The following PGM3 variants were observed in gnomAD, a reference collection of about 807,000 sequenced individuals.
PGM3 encodes phosphoacetylglucosamine mutase.
Under a neutral mutation model 66.2 loss-of-function variants are expected in PGM3, and 40 were observed. That is an observed-to-expected ratio of 0.60 (90% confidence interval 0.47 to 0.79). The LOEUF (loss-of-function observed/expected upper bound fraction) is 0.79, where lower values mean the gene tolerates loss of function less well. Ranked by LOEUF, PGM3 falls within the 30% of genes least tolerant of loss-of-function variation. PGM3 has a pLI of 0.00. For missense variants in PGM3, 537 were observed against 643.4 expected, an observed-to-expected ratio of 0.83 and a Z score of 1.79; for synonymous variants, 191 against 224.2, an observed-to-expected ratio of 0.85 and a Z score of 1.32.
intron 4 of PGM3, among the ~76,000 whole-genome samples, 166 bp downstream of exon 4, chr6:83,186,842 C>T (rs1788617286): frequency 6.6e-6 from 1 of 152,088 alleles, no homozygotes; most frequent in Non-Finnish European, 1.5e-5. Context: ...CCAGAAACGA[C>T]CTGGAAGATG....
chr6:83,153,153 TG>T, the PGM3 span, among the ~76,000 whole-genome samples: 1 of 129,600 alleles, frequency 7.7e-6, no homozygotes, highest in East Asian at 2.2e-4. Flanking sequence ...TTCAATTGTT[TG>T]TTTTTTTTTC....
chr6:83,193,880 G>A (rs1789405893), upstream of PGM3: 1 of 153,942 alleles, frequency 6.5e-6, no homozygotes. Flanking sequence ...CGGAGCCCTG[G>A]AATGCGGCCC....
At chr6:83,169,354 G>C (rs759898463) in intron 12 of PGM3, 31 bp from the exon 13 acceptor site, 1 of 1,611,686 alleles carries the variant, frequency 6.2e-7, no homozygotes, top group South Asian at 1.1e-5. Context: ...GATTAGATGA[G>C]AAAGACATAG....
At chr6:83,164,796 G>A (rs1785061944), downstream of PGM3, 1 of 1,210,538 alleles carries the variant, frequency 8.3e-7, no homozygotes, top group African/African-American at 1.5e-5. Flanking sequence ...AGGTCTGAAT[G>A]TCAACAAGTA....
At chr6:83,174,277 G>A (rs942750290) in intron 10 of PGM3, 97 bp downstream of exon 10, 25 of 667,394 alleles carry the variant, frequency 3.7e-5, no homozygotes, top group Admixed American at 9.4e-5. Flanking sequence ...AGGCCAGGAC[G>A]TCTCCACTTT....
downstream of PGM3, among the ~76,000 whole-genome samples, chr6:83,158,291 A>G (rs139387528): frequency 1.2e-4 from 18 of 152,158 alleles, no homozygotes; most frequent in South Asian, 1.2e-3. Flanking sequence ...GTGAGCCACC[A>G]CACCAGACCT....
chr6:83,170,202 TAAAG>T (rs1786801543), intron 12 of PGM3, 99 bp downstream of exon 12: 3 of 1,052,804 alleles, frequency 2.8e-6, no homozygotes, highest in Non-Finnish European at 2.8e-6. Flanking sequence ...CTCAACAAAA[TAAAG>T]CCTTAATCAT....
intron 11 of PGM3, among the ~76,000 whole-genome samples, chr6:83,171,681 G>T (rs1034675363): frequency 2.6e-5 from 4 of 152,114 alleles, no homozygotes; most frequent in African/African-American, 9.7e-5. Flanking sequence ...AGTAGACAGG[G>T]TTTTACCATG....
chr6:83,178,564 A>G (rs779329157), intron 8 of PGM3, 109 bp downstream of exon 8: 11 of 709,502 alleles, frequency 1.6e-5, no homozygotes, highest in Non-Finnish European at 2.5e-5. Flanking sequence ...CATGAACAGC[A>G]GCTCAGCTTC....
rs916360339 is a variant in PGM3, at chr6:83,168,460, AT to A, written c.*773del. ...TAAACCTGCAAAATATACACTACCC[AT>A]TTTTTTTTTCCATTGGTTTCAGACT... On this transcript the variant is annotated 3_prime_UTR_variant, in exon 13 of 13. Transcript: ENST00000513973. The A allele has an allele frequency of 6.7e-4, 642 of 958,014 alleles. No individual in the cohort carries two copies. The highest frequency in any genetic ancestry group is 2.5e-3 in the Middle Eastern group (5 of 2,008). 59.3% of individuals were successfully genotyped at this position (958,014 alleles called of 1,614,324 possible).
downstream of PGM3, among the ~76,000 whole-genome samples, chr6:83,158,160 A>G (rs1043461857): frequency 5.3e-5 from 8 of 151,822 alleles, no homozygotes; most frequent in African/African-American, 9.7e-5. Context: ...CACCACACCC[A>G]GCTAATTTTG....
Position 83,167,402 on chromosome 6 carries a change from AT to A in PGM3, c.*1831del. The A allele has an allele frequency of 1.0e-6, 1 of 982,386 alleles. No individual in the cohort carries two copies. The highest frequency in any genetic ancestry group is 4.7e-5 in the South Asian group (1 of 21,230). 60.9% of individuals were successfully genotyped at this position (982,386 alleles called of 1,614,324 possible). On this transcript the variant is annotated 3_prime_UTR_variant, in exon 13 of 13. Coordinates refer to ENST00000513973, the MANE Select transcript of PGM3 (RefSeq NM_015599.3). ...GCTACCATCATGGCAAATTTAGGCC[AT>A]TTAGATAAAAGGGAATTAACTAATT...
At chr6:83,164,721 T>A (rs749548871), downstream of PGM3, 1 of 1,587,250 alleles carries the variant, frequency 6.3e-7, no homozygotes, top group African/African-American at 1.3e-5. Flanking sequence ...AAGCATCAGG[T>A]GAGGGTGGCT....
At position 83,166,669 on chromosome 6, in the gene PGM3, C is replaced by G; in HGVS notation, c.*2565G>C. On this transcript the variant is annotated 3_prime_UTR_variant, in exon 13 of 13. Transcript: ENST00000513973. The stretch of plus-strand genomic sequence containing the variant: ...TTCAACAATGCAAAAACCGCAATTA[C>G]GTTTGCACCAACCTAATATTTTCCT... 14 of 1,258,766 alleles carry G rather than the reference C, an allele frequency of 1.1e-5. No individual in the cohort carries two copies. Among genetic ancestry groups the G allele is most frequent in the Non-Finnish European group, 1.4e-5 (14 of 993,546 alleles). 78.0% of individuals were successfully genotyped at this position (1,258,766 alleles called of 1,614,324 possible).
chr6:83,164,643 C>T, downstream of PGM3: 5 of 1,560,944 alleles, frequency 3.2e-6, no homozygotes, highest in Non-Finnish European at 4.3e-6. Context: ...TGTGAGTTCT[C>T]CTCTTTCCTT....
At chr6:83,162,091 G>A (rs1784362213), downstream of PGM3, among the ~76,000 whole-genome samples, 1 of 152,086 alleles carries the variant, frequency 6.6e-6, no homozygotes, top group South Asian at 2.1e-4. Context: ...TTTTTTAAAA[G>A]AGAGGGTTGG....
chr6:83,169,184 T>C lies in PGM3; in HGVS notation c.*50A>G. 1.2e-6 allele frequency: 2 copies of C among 1,606,916 alleles called. No homozygotes were observed. Among genetic ancestry groups the C allele is most frequent in the Non-Finnish European group, 1.7e-6 (2 of 1,175,876 alleles). On this transcript the variant is annotated 3_prime_UTR_variant, in exon 13 of 13. Transcript: ENST00000513973. The stretch of plus-strand genomic sequence containing the variant: ...AGTACTGCCATTATTATTGACAGTT[T>C]TGTAAAGACTTGTAAAAAGTCCAGT...
downstream of PGM3, among the ~76,000 whole-genome samples, chr6:83,160,844 C>A (rs1390477072): frequency 6.6e-6 from 1 of 151,946 alleles, no homozygotes; most frequent in Non-Finnish European, 1.5e-5. Flanking sequence ...AGCTTTTTCT[C>A]TTTTTTATTT....
the PGM3 span, chr6:83,154,366 A>G: frequency 1.2e-6 from 1 of 834,342 alleles, no homozygotes; most frequent in Non-Finnish European, 1.9e-6. Flanking sequence ...GTCAGTGGGG[A>G]TATGTGCTCT....
Sources: gnomAD v4.1 joint callset for allele counts (sites outside exome capture counted in the v4.1 genomes callset) on GRCh38, gnomAD v4.1.1 for gene constraint, MANE v1.5 for transcripts, NCBI Gene and HGNC (gene_info 2026-07-23, HGNC 2026-07-21) for gene names.